PIKFYVE: variants seen among roughly 807,000 people sequenced by gnomAD.
PIKFYVE encodes the protein phosphoinositide kinase, FYVE-type zinc finger containing, also known as 1-phosphatidylinositol 3-phosphate 5-kinase.
Under a neutral mutation model 257.9 loss-of-function variants are expected in PIKFYVE, and 122 were observed. The observed-to-expected ratio is 0.47, with a 90% CI of 0.41 to 0.55. The LOEUF is 0.55. PIKFYVE is among the 20% of genes least tolerant of loss of function. The pLI, the probability that PIKFYVE is intolerant of heterozygous loss-of-function variation, is 0.00. For synonymous variants in PIKFYVE, 892 were observed against 868.9 expected (o/e 1.03, Z -0.47); for missense variants, 2,160 against 2,536.6 (o/e 0.85, Z 3.19).
At chr2:208,304,748 T>TA (rs984501578) in intron 11 of PIKFYVE, 98 bp from the exon 12 acceptor site, 50 of 1,236,918 alleles carry the variant, frequency 4.0e-5, no homozygotes, top group Non-Finnish European at 5.4e-5. Context: ...GCTTGTATAT[T>TA]AAAAAAACAT....
In PIKFYVE at chr2:208,326,152, A is replaced by G. The variant is rs773628152; in HGVS notation, c.3341A>G (p.Gln1114Arg). Reference sequence around the variant, plus strand: ...CTGCTCAGGGATCTCTCTGGACTTCAGGGCATGAATGGAAGTATTCAGGCC... The same window carrying G: ...CTGCTCAGGGATCTCTCTGGACTTCGGGGCATGAATGGAAGTATTCAGGCC... The part of the protein sequence containing the change: ...KQLLRDLSGL[Q>R]GMNGSIQAKS... The change falls in exon 20 of 42, where the codon CAG becomes CGG. Residue 1114 changes from glutamine to arginine, a missense_variant. Coordinates refer to ENST00000264380, the MANE Select transcript of PIKFYVE (RefSeq NM_015040.4). The G allele has an allele frequency of 9.9e-6, 16 of 1,613,978 alleles. No homozygotes were observed. The highest frequency in any genetic ancestry group is 4.0e-5 in the African/African-American group (3 of 74,930).
intron 1 of PIKFYVE, among the ~76,000 whole-genome samples, chr2:208,271,120 CTT>C (rs1236471590): frequency 1.3e-5 from 2 of 151,676 alleles, no homozygotes; most frequent in Admixed American, 1.3e-4. Context: ...CCCCCCATAA[CTT>C]TAAAAAGCTG....
intron 19 of PIKFYVE, 107 bp downstream of exon 19, chr2:208,325,144 G>C (rs1038934361): frequency 1.3e-6 from 2 of 1,574,340 alleles, no homozygotes; most frequent in Admixed American, 1.7e-5. Context: ...AGTGAGGATA[G>C]GCAACTGTGA....
rs148850057 is a variant in PIKFYVE, at chr2:208,306,221, AAGAT to A, written c.1636+1212_1636+1215del. 3.3e-3 allele frequency among the ~76,000 whole-genome samples: 510 copies of A among 152,366 alleles called. 3 individuals carry two copies. Among genetic ancestry groups the A allele is most frequent in the African/African-American group, 0.012 (493 of 41,586 alleles). ...GACTTGACTAGCATTGAACATGAGT[AAGAT>A]AGACATCTTTATGGAAATCCTCAAA... On this transcript the variant is annotated intron_variant, in intron 12 of 41. Coordinates refer to ENST00000264380, the MANE Select transcript of PIKFYVE (RefSeq NM_015040.4).
At position 208,315,307 on chromosome 2, in the gene PIKFYVE, A is replaced by C; in HGVS notation, c.1941A>C (p.Thr647=). The C allele has an allele frequency of 1.9e-6, 3 of 1,614,232 alleles. No homozygotes were observed. Among genetic ancestry groups the C allele is most frequent in the Non-Finnish European group, 1.7e-6 (2 of 1,180,032 alleles). The part of the protein sequence containing the change: ...IVSLVCQVVQ[T]VRPDVKNQDD... ...CATTGGTCTGCCAGGTTGTTCAGAC[A>C]GTCCGACCTGATGTCAAGAACCAGG... The change falls in exon 15 of 42, where the codon ACA becomes ACC. Residue 647 remains threonine (T), a synonymous_variant. Transcript: ENST00000264380.
intron 1 of PIKFYVE, among the ~76,000 whole-genome samples, chr2:208,268,959 G>A (rs1402725859): frequency 2.0e-5 from 3 of 152,138 alleles, no homozygotes; most frequent in Admixed American, 2.0e-4. Context: ...TTTTGATTTA[G>A]GTAATACTTT....
At chr2:208,336,710 T>A in intron 27 of PIKFYVE, 128 bp from the exon 28 acceptor site, 1 of 610,758 alleles carries the variant, frequency 1.6e-6, no homozygotes, top group Non-Finnish European at 2.9e-6. Flanking sequence ...ATATATAACT[T>A]TAAAGACTAT....
chr2:208,354,015 C>G lies in PIKFYVE; in HGVS notation c.5962C>G (p.Leu1988Val). Residue 1988 changes from leucine to valine, a missense_variant, in exon 40 of 42, where the codon CTA becomes GTA. Transcript: ENST00000264380. The part of the protein sequence containing the change: ...NLLKMVRDNP[L>V]YIRSHSKAVL... ...CCTAAAGATGGTTCGAGACAACCCT[C>G]TATATATTCGTTCTCATTCCAAAGC... 1 of 1,614,056 alleles carries G rather than the reference C, an allele frequency of 6.2e-7. No individual in the cohort carries two copies. The highest frequency in any genetic ancestry group is 1.1e-5 in the South Asian group (1 of 91,080).
chr2:208,287,270 CTT>C (rs56178613), intron 6 of PIKFYVE, among the ~76,000 whole-genome samples: 2,614 of 134,980 alleles, frequency 0.019, 70 homozygotes, highest in African/African-American at 0.061. Context: ...TTTTCTTTTT[CTT>C]TTTTTTTTTT....
intron 17 of PIKFYVE, among the ~76,000 whole-genome samples, chr2:208,322,393 A>AC (rs1272174819): frequency 6.6e-6 from 1 of 150,660 alleles, no homozygotes; most frequent in African/African-American, 2.4e-5. Context: ...AAAAAAAAAA[A>AC]AAAAACTTAG....
In PIKFYVE at chr2:208,328,574, TTGGATTTAATATTTTTTCAAATTTGG is replaced by T. The variant is rs563922549; in HGVS notation, c.3719+295_3719+320del. On this transcript the variant is annotated intron_variant, in intron 21 of 41. Transcript: ENST00000264380. ...TGAAATGCTTGGGACCAGAAGTGTT[TTGGATTTAATATTTTTTCAAATTTGG>T]AAATACTTGCATATACTTAATGAGT... Among the ~76,000 whole-genome samples the T allele has an allele frequency of 6.6e-5, 10 of 152,294 alleles. No homozygotes were observed. In the East Asian group the frequency reaches 1.9e-3, roughly 29 times the overall value.
At chr2:208,312,555 C>T (rs182665945) in intron 13 of PIKFYVE, among the ~76,000 whole-genome samples, 16 of 152,240 alleles carry the variant, frequency 1.1e-4, no homozygotes, top group African/African-American at 3.9e-4. Context: ...AGAATTTGAA[C>T]TTAATTCTTT....
At chr2:208,335,282 T>C (rs773124896) in intron 24 of PIKFYVE, 24 bp from the exon 25 acceptor site, 33 of 1,457,004 alleles carry the variant, frequency 2.3e-5, no homozygotes, top group Non-Finnish European at 2.2e-5. Flanking sequence ...TCATTTTCTA[T>C]TGGTCCTTGT....
intron 12 of PIKFYVE, among the ~76,000 whole-genome samples, chr2:208,311,772 A>G (rs1280547418): frequency 6.6e-6 from 1 of 152,148 alleles, no homozygotes; most frequent in Admixed American, 6.6e-5. Flanking sequence ...TATAGCTTAT[A>G]TTCTGAAATT....
At position 208,333,502 on chromosome 2, in the gene PIKFYVE, T is replaced by A; in HGVS notation, c.4142+9T>A. The A allele has an allele frequency of 2.5e-6, 4 of 1,610,884 alleles. No individual in the cohort carries two copies. The highest frequency in any genetic ancestry group is 3.4e-6 in the Non-Finnish European group (4 of 1,177,512). On this transcript the variant is annotated intron_variant, in intron 24 of 41. Transcript: ENST00000264380. ...ATGGTGGCGTCTTTCAGGTAAGAAA[T>A]CCTAGGAATCTTGTGCATGATCTCA...
rs768570279 is a variant in PIKFYVE, at chr2:208,312,246, T to A, written c.1647T>A (p.Ile549=). 1.1e-4 allele frequency: 183 copies of A among 1,611,492 alleles called. No homozygotes were observed. The Admixed American group carries it at 3.0e-3, about 27-fold the overall frequency. The change falls in exon 13 of 42, where the codon ATT becomes ATA. Residue 549 remains isoleucine, a synonymous_variant. Coordinates refer to ENST00000264380, the MANE Select transcript of PIKFYVE (RefSeq NM_015040.4). ...PHPADQKEYL[I]SDTGGQQLSI... ...CTCCCTGGTATGCAGAGTATTTGAT[T>A]TCTGACACTGGAGGACAACAGCTCT...
intron 15 of PIKFYVE, among the ~76,000 whole-genome samples, chr2:208,317,434 T>TG (rs1695667022): frequency 1.3e-5 from 2 of 151,758 alleles, no homozygotes; most frequent in Admixed American, 1.3e-4. Flanking sequence ...AATGCGATTT[T>TG]TTTTTTAAGC....
chr2:208,340,930 A>G (rs1458676473), intron 31 of PIKFYVE, among the ~76,000 whole-genome samples: 3 of 152,072 alleles, frequency 2.0e-5, no homozygotes, highest in Non-Finnish European at 4.4e-5. Flanking sequence ...AGACCTGATT[A>G]TATCAGTTTC....
At chr2:208,342,409 C>T in intron 31 of PIKFYVE, 145 bp from the exon 32 acceptor site, 2 of 640,338 alleles carry the variant, frequency 3.1e-6, no homozygotes, top group Non-Finnish European at 5.4e-6. Context: ...TGATAATTTT[C>T]TAATTGCCTT....
Sources: allele counts gnomAD v4.1 joint callset (sites outside exome capture counted in the v4.1 genomes callset), GRCh38; gene constraint gnomAD v4.1.1; transcripts MANE v1.5; gene names NCBI Gene and HGNC (gene_info 2026-07-23, HGNC 2026-07-21).